Variants in MAGI1 observed in about 807,000 individuals in gnomAD.
MAGI1 encodes membrane associated guanylate kinase, WW and PDZ domain containing 1, also known as membrane-associated guanylate kinase, WW and PDZ domain-containing protein 1.
A neutral mutation model predicts 139.9 loss-of-function variants in MAGI1; 58 were observed. The observed-to-expected ratio is 0.41, with a 90% CI of 0.34 to 0.52. MAGI1 has a LOEUF of 0.52. MAGI1 is among the 20% of genes least tolerant of loss of function. The pLI is 0.12. For synonymous variants in MAGI1, 812 were observed against 737.9 expected (o/e 1.10, Z -1.63); for missense variants, 1,874 against 1,901.6 (o/e 0.99, Z 0.27).
intron 1 of MAGI1, among the ~76,000 whole-genome samples, chr3:66,027,054 G>A (rs1378919406): frequency 6.6e-6 from 1 of 151,696 alleles, no homozygotes; most frequent in African/African-American, 2.4e-5. Flanking sequence ...CGGATCACAA[G>A]GTCAGGAGAT....
chr3:65,731,391 A>G (rs9861742), intron 1 of MAGI1, among the ~76,000 whole-genome samples: 55,350 of 151,590 alleles, frequency 0.37, 11,563 homozygotes, highest in African/African-American at 0.55. Context: ...GATGGCTCAC[A>G]CCTATAATTC....
intron 1 of MAGI1, among the ~76,000 whole-genome samples, chr3:65,717,207 C>T (rs2032377437): frequency 6.6e-6 from 1 of 152,066 alleles, no homozygotes; most frequent in Admixed American, 6.6e-5. Flanking sequence ...GACAAACAAC[C>T]GAAAAGTCAA....
intron 1 of MAGI1, among the ~76,000 whole-genome samples, chr3:65,931,860 G>C (rs1351341327): frequency 6.7e-6 from 1 of 149,322 alleles, no homozygotes; most frequent in African/African-American, 2.5e-5. Context: ...ATTTTTTATT[G>C]CACTGTGACT....
At chr3:65,826,445 T>C (rs1223972146) in intron 1 of MAGI1, among the ~76,000 whole-genome samples, 1 of 152,244 alleles carries the variant, frequency 6.6e-6, no homozygotes, top group Non-Finnish European at 1.5e-5. Flanking sequence ...AATTCTTACC[T>C]GTTACTTGTG....
intron 3 of MAGI1, among the ~76,000 whole-genome samples, chr3:65,487,256 C>T (rs759561698): frequency 6.6e-6 from 1 of 152,202 alleles, no homozygotes; most frequent in Non-Finnish European, 1.5e-5. Flanking sequence ...TAAAGACCTT[C>T]GCACACTTAC....
chr3:65,532,801 A>C (rs2078775817), intron 2 of MAGI1: 1 of 152,158 alleles, frequency 6.6e-6, no homozygotes, highest in Non-Finnish European at 1.5e-5. Flanking sequence ...AAGCTGCTTT[A>C]ATTTATGATC....
At chr3:65,932,363 C>T (rs1412733013) in intron 1 of MAGI1, among the ~76,000 whole-genome samples, 2 of 151,986 alleles carry the variant, frequency 1.3e-5, no homozygotes, top group African/African-American at 4.8e-5. Flanking sequence ...CTCAGTTTCA[C>T]GAAACAAAAA....
intron 12 of MAGI1, among the ~76,000 whole-genome samples, chr3:65,425,108 TAAAAAA>T (rs72030632): frequency 0.15 from 9,673 of 66,672 alleles, 1,653 homozygotes; most frequent in East Asian, 0.67. Flanking sequence ...GTAGAACTTC[TAAAAAA>T]AAAAAAAAAA....
In MAGI1 at chr3:65,478,817, C is replaced by G. The variant is rs747345511; in HGVS notation, c.551-19G>C. On this transcript the variant is annotated intron_variant, in intron 3 of 22. Transcript: ENST00000402939. ...TAGTTTCCTAGGTGATGGAGAGACA[C>G]ATTTGCATGTTTCAAAAGGAATACT... is the stretch of plus-strand genomic sequence containing the variant. The G allele has an allele frequency of 6.4e-7, 1 of 1,573,394 alleles. No individual in the cohort carries two copies. The highest frequency in any genetic ancestry group is 8.7e-7 in the Non-Finnish European group (1 of 1,144,424).
intron 1 of MAGI1, among the ~76,000 whole-genome samples, chr3:65,978,156 C>G (rs746948170): frequency 6.6e-6 from 1 of 152,196 alleles, no homozygotes; most frequent in Non-Finnish European, 1.5e-5. Context: ...GGAAAATTTA[C>G]TATGTGACAG....
intron 1 of MAGI1, among the ~76,000 whole-genome samples, chr3:66,007,796 T>C (rs1389527785): frequency 6.6e-6 from 1 of 152,190 alleles, no homozygotes; most frequent in Non-Finnish European, 1.5e-5. Context: ...TGCTATACTT[T>C]CCTTAGGGCA....
intron 1 of MAGI1, among the ~76,000 whole-genome samples, chr3:65,754,053 T>C (rs2036372334): frequency 6.6e-6 from 1 of 152,008 alleles, no homozygotes; most frequent in Non-Finnish European, 1.5e-5. Flanking sequence ...CTCATTGATC[T>C]TAGGGATTCC....
chr3:65,727,727 C>T (rs2033767977), intron 1 of MAGI1, among the ~76,000 whole-genome samples: 1 of 152,168 alleles, frequency 6.6e-6, no homozygotes, highest in African/African-American at 2.4e-5. Context: ...CTATGAGTGT[C>T]TCCTATATGC....
intron 6 of MAGI1, 149 bp downstream of exon 6, chr3:65,453,109 T>A (rs932857985): frequency 3.0e-6 from 2 of 669,266 alleles, no homozygotes; most frequent in East Asian, 5.3e-5. Flanking sequence ...TCTTCCTGCT[T>A]TTGTAAACCA....
In MAGI1 at chr3:66,013,747, T is replaced by C. The variant is rs138675468; in HGVS notation, c.313+24249A>G. 6.8e-3 allele frequency among the ~76,000 whole-genome samples: 960 copies of C among 140,620 alleles called. 17 individuals are homozygous for C. The highest frequency in any genetic ancestry group is 0.024 in the African/African-American group (901 of 37,450). 92.3% of individuals were successfully genotyped at this position (140,620 alleles called of 152,430 possible). A position where few individuals can be genotyped will look rare whatever the true frequency, so the allele number is the denominator to read the frequency against. On this transcript the variant is annotated intron_variant, in intron 1 of 22. Coordinates refer to ENST00000402939, the MANE Select transcript of MAGI1 (RefSeq NM_001033057.2). The stretch of plus-strand genomic sequence containing the variant: ...CTGCACTCCAGCCAGGGCAACAGAG[T>C]GAGACTCTGTCTCAAAAAAAAAAAA...
At chr3:65,554,729 G>C (rs771275181) in intron 2 of MAGI1, among the ~76,000 whole-genome samples, 1 of 152,136 alleles carries the variant, frequency 6.6e-6, no homozygotes, top group African/African-American at 2.4e-5. Flanking sequence ...CTAGCACAAA[G>C]AACCCTCAGT....
intron 1 of MAGI1, among the ~76,000 whole-genome samples, chr3:65,657,671 GTT>G (rs2085958705): frequency 6.6e-6 from 1 of 151,920 alleles, no homozygotes; most frequent in Non-Finnish European, 1.5e-5. Context: ...AATTTTTTTT[GTT>G]TGTTTCCTTT....
intron 5 of MAGI1, 81 bp downstream of exon 5, chr3:65,470,202 T>C: frequency 6.4e-6 from 6 of 936,052 alleles, no homozygotes; most frequent in African/African-American, 5.0e-5. Flanking sequence ...AAATGTAATT[T>C]ACATTGGCAA....
chr3:65,595,127 T>C (rs764036198), intron 2 of MAGI1, among the ~76,000 whole-genome samples: 7 of 152,166 alleles, frequency 4.6e-5, no homozygotes, highest in Admixed American at 6.6e-5. Flanking sequence ...GTCTTCTTTT[T>C]CCACTCCTCT....
Sources: allele counts gnomAD v4.1 joint callset (sites outside exome capture counted in the v4.1 genomes callset), GRCh38; gene constraint gnomAD v4.1.1; transcripts MANE v1.5; gene names NCBI Gene and HGNC (gene_info 2026-07-23, HGNC 2026-07-21).